Variants in SLC7A8 observed in about 807,000 individuals in gnomAD.
SLC7A8 encodes solute carrier family 7 member 8.
Under a neutral mutation model 51.2 loss-of-function variants are expected in SLC7A8, and 30 were observed. The ratio of observed to expected loss-of-function variants is 0.59; its 90% confidence interval spans 0.44 to 0.80. The LOEUF (loss-of-function observed/expected upper bound fraction) is 0.80, where lower values mean the gene tolerates loss of function less well. Among genes scored for constraint, SLC7A8 ranks in the 30% least tolerant of loss-of-function variants. SLC7A8 has a pLI of 0.00. For missense variants in SLC7A8, 612 were observed against 674.4 expected (o/e 0.91, Z 1.03); for synonymous variants, 257 against 275.8 (o/e 0.93, Z 0.67).
intron 1 of SLC7A8, among the ~76,000 whole-genome samples, chr14:23,181,509 T>A (rs1047262839): frequency 6.6e-6 from 1 of 152,148 alleles, no homozygotes; most frequent in East Asian, 1.9e-4. Context: ...ACTGAAGTTC[T>A]GGGTGTAGAG....
chr14:23,132,601 C>T (rs571836791), intron 7 of SLC7A8, among the ~76,000 whole-genome samples: 2 of 151,968 alleles, frequency 1.3e-5, no homozygotes, highest in East Asian at 3.9e-4. Context: ...CAAAAAAACC[C>T]CCACAAAACT....
At chr14:23,167,198 G>T (rs1380259983) in intron 1 of SLC7A8, among the ~76,000 whole-genome samples, 1 of 152,178 alleles carries the variant, frequency 6.6e-6, no homozygotes, top group Non-Finnish European at 1.5e-5. Context: ...AACAGTCCTA[G>T]TGGTTTAGAA....
chr14:23,136,774 C>T (rs933904829), intron 7 of SLC7A8, among the ~76,000 whole-genome samples: 2 of 152,338 alleles, frequency 1.3e-5, no homozygotes, highest in Admixed American at 6.5e-5. Flanking sequence ...TGTAGCCAGT[C>T]ACTCTCCTCC....
Position 23,165,406 on chromosome 14 carries a change from C to G in SLC7A8, c.387G>C (p.Val129=). ...GFLRLWIAVL[V]IYPTNQAVIA... ...TGACAGCCTGGTTGGTGGGGTAGATCACCAGCACAGCAATCCACAGCCTCA... is the reference window on the plus strand; with the variant it reads ...TGACAGCCTGGTTGGTGGGGTAGATGACCAGCACAGCAATCCACAGCCTCA... Residue 129 remains valine, a synonymous_variant, in exon 3 of 11, where the codon GTG becomes GTC. Coordinates refer to ENST00000316902, the MANE Select transcript of SLC7A8 (RefSeq NM_012244.4). This position sits in a 1 kb window ranked among gnomAD's most constrained non-coding sequence, Gnocchi z 4.2. 1 of 1,596,406 alleles carries G rather than the reference C, an allele frequency of 6.3e-7. No homozygotes were observed. Among genetic ancestry groups the G allele is most frequent in the Non-Finnish European group, 8.5e-7 (1 of 1,173,116 alleles).
chr14:23,161,052 A>T lies in SLC7A8; in HGVS notation c.508+4233T>A, dbSNP rs1233987245. ...TCAGCTTTGACCTAAATAATAGAAT[A>T]ACTCGAAGTGGCAGCTGCAGTTGCA... On this transcript the variant is annotated intron_variant, in intron 3 of 10. Transcript: ENST00000316902. 2.6e-5 allele frequency among the ~76,000 whole-genome samples: 4 copies of T among 152,010 alleles called. No individual in the cohort carries two copies. In the East Asian group the frequency reaches 7.8e-4, roughly 30 times the overall value.
Position 23,166,331 on chromosome 14 carries a change from C to T in SLC7A8, c.356+5G>A. The T allele has an allele frequency of 1.2e-6, 2 of 1,612,918 alleles. No individual in the cohort carries two copies. The highest frequency in any genetic ancestry group is 1.7e-6 in the Non-Finnish European group (2 of 1,179,992). Reference sequence around the variant, plus strand: ...GACCATTCAGGTCTCCACAGATCCTCTTACCCAGCCAGTCCTCCGAAGATG... The same window carrying T: ...GACCATTCAGGTCTCCACAGATCCTTTTACCCAGCCAGTCCTCCGAAGATG... On this transcript the variant is annotated splice_donor_5th_base_variant and intron_variant, in intron 2 of 10. Transcript: ENST00000316902.
At position 23,140,455 on chromosome 14, in the gene SLC7A8, G is replaced by T. The variant is rs1002927109; in HGVS notation, c.788+16C>A. On this transcript the variant is annotated intron_variant, in intron 5 of 10. Coordinates refer to ENST00000316902, the MANE Select transcript of SLC7A8 (RefSeq NM_012244.4). ...CCCTTCAAGGGAGAGGGAATAGCCA[G>T]GCTCTTTCAACTCACTTGTAGGGAT... 1 of 1,589,856 alleles carries T rather than the reference G, an allele frequency of 6.3e-7. No homozygotes were observed. The highest frequency in any genetic ancestry group is 8.6e-7 in the Non-Finnish European group (1 of 1,161,270).
At chr14:23,170,755 C>T (rs1312147247) in intron 1 of SLC7A8, among the ~76,000 whole-genome samples, 1 of 151,744 alleles carries the variant, frequency 6.6e-6, no homozygotes, top group Non-Finnish European at 1.5e-5. Flanking sequence ...GTGGGTCTCA[C>T]CACTCTTTCA....
chr14:23,170,017 A>T (rs1388111915), intron 1 of SLC7A8, among the ~76,000 whole-genome samples: 1 of 152,180 alleles, frequency 6.6e-6, no homozygotes, highest in Non-Finnish European at 1.5e-5. Flanking sequence ...TGGAACACAG[A>T]TCTGATTCCT....
rs777866930 is a variant in SLC7A8, at chr14:23,182,835, G to C, written c.80C>G (p.Ala27Gly). The C allele has an allele frequency of 9.3e-6, 15 of 1,613,988 alleles. No homozygotes were observed. The highest frequency in any genetic ancestry group is 1.3e-5 in the Non-Finnish European group (15 of 1,179,952). Residue 27 changes from alanine (A) to glycine (G), a missense_variant, in exon 1 of 11, where the codon GCT (alanine) becomes GGT (glycine). Physicochemically the swap from Ala to Gly is moderately conservative, Grantham distance 60 (BLOSUM62 0). Coordinates refer to ENST00000316902, the MANE Select transcript of SLC7A8 (RefSeq NM_012244.4). The part of the protein sequence containing the change: ...GGGESDASPE[A>G]GSGGGGVALK... Reference sequence around the variant, plus strand: ...GGCTACTCCGCCCCCTCCGGAACCAGCCTCGGGGCTGGCGTCCGACTCGCC... The same window carrying C: ...GGCTACTCCGCCCCCTCCGGAACCACCCTCGGGGCTGGCGTCCGACTCGCC...
rs2048634293 is a variant in SLC7A8 at position 23,131,608 on chromosome 14, C to T, written c.1017-51G>A. The T allele has an allele frequency of 2.8e-6, 4 of 1,429,590 alleles. No homozygotes were observed. In the Admixed American group the frequency reaches 9.3e-5, roughly 33 times the overall value. The allele number at this position is 1,429,590 out of a possible 1,614,324, so 88.6% of individuals were successfully genotyped here. On this transcript the variant is annotated intron_variant, in intron 7 of 10. Coordinates refer to ENST00000316902, the MANE Select transcript of SLC7A8 (RefSeq NM_012244.4). ...CTGGGATAACCCAGGGACCACCAAG[C>T]CCCAGCTCCTTCATCCTTGCCTACC...
chr14:23,146,277 G>A (rs966309643), intron 3 of SLC7A8, among the ~76,000 whole-genome samples: 1 of 152,198 alleles, frequency 6.6e-6, no homozygotes, highest in Non-Finnish European at 1.5e-5. Flanking sequence ...TGATCTCAGG[G>A]AAGAAAATCC....
At position 23,165,612 on chromosome 14, in the gene SLC7A8, A is replaced by AATG. The variant is rs146346584; in HGVS notation, c.357-179_357-177dup. Among the ~76,000 whole-genome samples, 151,498 of 152,254 alleles carry AATG rather than the reference A, an allele frequency of 1. 75,376 individuals carry two copies. The highest frequency in any genetic ancestry group is 1 in the Middle Eastern group (294 of 294). Reference sequence around the variant, plus strand: ...CTCTGCAGTGACAATAAAATGGTTTAATGAAGAGTTAAATTTCCACAAGCA... The same window carrying AATG: ...CTCTGCAGTGACAATAAAATGGTTTAATGATGAAGAGTTAAATTTCCACAAGCA... On this transcript the variant is annotated intron_variant, in intron 2 of 10. Coordinates refer to ENST00000316902, the MANE Select transcript of SLC7A8 (RefSeq NM_012244.4). This position sits in a 1 kb window ranked among gnomAD's most constrained non-coding sequence, Gnocchi z 4.2.
rs1220721762 is a variant in SLC7A8 at position 23,182,803 on chromosome 14, T to C, written c.112A>G (p.Lys38Glu). The C allele has an allele frequency of 6.2e-7, 1 of 1,610,432 alleles. No individual in the cohort carries two copies. Among genetic ancestry groups the C allele is most frequent in the African/African-American group, 1.3e-5 (1 of 74,780 alleles). The change falls in exon 1 of 11, where the codon AAA becomes GAA. Residue 38 changes from lysine to glutamate, a missense_variant. Lys to Glu is a moderately conservative substitution (Grantham distance 56). Coordinates refer to ENST00000316902, the MANE Select transcript of SLC7A8 (RefSeq NM_012244.4). Reference protein sequence around the residue: ...GSGGGGVALKKEIGLVSACGI... With the variant: ...GSGGGGVALKEEIGLVSACGI... ...CAGGCACTGACCAATCCGATCTCTTTCTTCAGGGCTACTCCGCCCCCTCCG... is the reference window on the plus strand; with the variant it reads ...CAGGCACTGACCAATCCGATCTCTTCCTTCAGGGCTACTCCGCCCCCTCCG...
At position 23,139,505 on chromosome 14, in the gene SLC7A8, T is replaced by C. The variant is rs1280910189; in HGVS notation, c.831A>G (p.Thr277=). Residue 277 remains threonine (T), a synonymous_variant, in exon 6 of 11, where the codon ACA becomes ACG. Coordinates refer to ENST00000316902, the MANE Select transcript of SLC7A8 (RefSeq NM_012244.4). ...CGACATTGGCAAAGACATACACAAA[T>C]GTGACCAGTGGGATGGAGATGAAGA... is the stretch of plus-strand genomic sequence containing the variant. ...RAIFISIPLV[T]FVYVFANVAY... is the part of the protein sequence containing the mutation. 6.2e-7 allele frequency: 1 copy of C among 1,614,046 alleles called. No individual in the cohort carries two copies.
At chr14:23,175,390 G>A (rs2048994471) in intron 1 of SLC7A8, among the ~76,000 whole-genome samples, 1 of 152,168 alleles carries the variant, frequency 6.6e-6, no homozygotes, top group African/African-American at 2.4e-5. Context: ...TGTATTTTTA[G>A]TAGAGATGGG....
intron 3 of SLC7A8, chr14:23,154,553 G>T: frequency 1.1e-6 from 1 of 889,646 alleles, no homozygotes; most frequent in Non-Finnish European, 1.3e-6. Flanking sequence ...GCTTCGGCTT[G>T]GCCTGTCCAA....
intron 1 of SLC7A8, among the ~76,000 whole-genome samples, chr14:23,181,013 C>T (rs1435040935): frequency 1.3e-5 from 2 of 151,338 alleles, no homozygotes; most frequent in Non-Finnish European, 2.9e-5. Flanking sequence ...GGCCACAGAG[C>T]GAGACTCCGT....
intron 3 of SLC7A8, among the ~76,000 whole-genome samples, chr14:23,144,346 T>A (rs1233916399): frequency 9.3e-5 from 14 of 149,876 alleles, no homozygotes; most frequent in African/African-American, 2.7e-4. Flanking sequence ...ACACAATTTT[T>A]TTTTTTTTTT....
Sources: allele counts gnomAD v4.1 joint callset (sites outside exome capture counted in the v4.1 genomes callset), GRCh38; gene constraint gnomAD v4.1.1; non-coding constraint Gnocchi (gnomAD v3.1); transcripts MANE v1.5; gene names NCBI Gene and HGNC (gene_info 2026-07-23, HGNC 2026-07-21).